KIAA1217: variants seen among roughly 807,000 people sequenced by gnomAD.
KIAA1217 encodes the protein KIAA1217, also known as sickle tail protein homolog.
A neutral mutation model predicts 163.9 loss-of-function variants in KIAA1217; 88 were observed. The ratio of observed to expected loss-of-function variants is 0.54; its 90% confidence interval spans 0.45 to 0.64. KIAA1217 has a LOEUF of 0.64. Ranked by LOEUF, KIAA1217 falls within the 30% of genes least tolerant of loss-of-function variation. The pLI is 0.00. For synonymous variants in KIAA1217, 903 were observed against 923.1 expected (o/e 0.98, Z 0.39); for missense variants, 2,372 against 2,475.0 (o/e 0.96, Z 0.88).
intron 2 of KIAA1217, among the ~76,000 whole-genome samples, chr10:24,237,110 G>A (rs2072391982): frequency 6.6e-6 from 1 of 152,200 alleles, no homozygotes; most frequent in Non-Finnish European, 1.5e-5. Flanking sequence ...TGATTAGTAT[G>A]ATGCTAAGGT....
At chr10:24,128,047 T>C (rs1258503244) in intron 2 of KIAA1217, among the ~76,000 whole-genome samples, 1 of 152,236 alleles carries the variant, frequency 6.6e-6, no homozygotes, top group African/African-American at 2.4e-5. Flanking sequence ...AGATTAAGTA[T>C]CTACAACAAA....
At chr10:24,143,731 C>T (rs1237592324) in intron 2 of KIAA1217, among the ~76,000 whole-genome samples, 1 of 151,692 alleles carries the variant, frequency 6.6e-6, no homozygotes, top group Non-Finnish European at 1.5e-5. Context: ...TACTGGTCAC[C>T]ACTGAGACAG....
chr10:23,968,804 C>T (rs1845178643), intron 1 of KIAA1217, among the ~76,000 whole-genome samples: 1 of 152,290 alleles, frequency 6.6e-6, no homozygotes, highest in Admixed American at 6.5e-5. Flanking sequence ...AGTATCAATA[C>T]TTAATTCCTT....
intron 1 of KIAA1217, among the ~76,000 whole-genome samples, chr10:23,995,119 T>C (rs1846410190): frequency 3.3e-5 from 5 of 152,204 alleles, no homozygotes. Flanking sequence ...AGATTCATTT[T>C]TGTTTAGCAC....
intron 2 of KIAA1217, among the ~76,000 whole-genome samples, chr10:24,332,757 A>G (rs963247604): frequency 2.0e-5 from 3 of 152,182 alleles, no homozygotes; most frequent in Non-Finnish European, 2.9e-5. Context: ...TTAAATGGTC[A>G]TAGTGGACTG....
At chr10:23,899,263 G>C (rs910289626) in intron 1 of KIAA1217, among the ~76,000 whole-genome samples, 3 of 152,122 alleles carry the variant, frequency 2.0e-5, no homozygotes, top group Non-Finnish European at 2.9e-5. Context: ...GATGTCCAAC[G>C]TGTTTATACT....
intron 2 of KIAA1217, among the ~76,000 whole-genome samples, chr10:24,058,242 C>T (rs1273765109): frequency 6.6e-6 from 1 of 152,086 alleles, no homozygotes; most frequent in Non-Finnish European, 1.5e-5. Context: ...AGTTCTGTAC[C>T]ATTTGTCTAT....
chr10:23,855,676 T>C (rs1324273545), intron 1 of KIAA1217, among the ~76,000 whole-genome samples: 1 of 152,220 alleles, frequency 6.6e-6, no homozygotes, highest in Admixed American at 6.5e-5. Context: ...CGTCTTTTCA[T>C]GTAGTCCCAT....
Position 24,236,143 on chromosome 10 carries a change from G to T in KIAA1217, c.354+16234G>T, listed in dbSNP as rs190951999. Among the ~76,000 whole-genome samples the T allele has an allele frequency of 4.7e-3, 701 of 149,778 alleles. 7 individuals carry two copies. The highest frequency in any genetic ancestry group is 0.016 in the African/African-American group (666 of 40,938). On this transcript the variant is annotated intron_variant, in intron 2 of 20. Coordinates refer to ENST00000376454, the MANE Select transcript of KIAA1217 (RefSeq NM_019590.5). Reference sequence around the variant, plus strand: ...GCTGTGAGGCTTAAATGAGATAAGGGTTGGTTATTTGAATGATAAAAAAAT... The same window carrying T: ...GCTGTGAGGCTTAAATGAGATAAGGTTTGGTTATTTGAATGATAAAAAAAT...
chr10:23,736,822 G>A (rs1009957707), intron 1 of KIAA1217, among the ~76,000 whole-genome samples: 12 of 151,982 alleles, frequency 7.9e-5, no homozygotes, highest in African/African-American at 2.7e-4. Context: ...CACCGCACCC[G>A]GCCTATAATA....
At chr10:24,387,606 G>A (rs2054192302) in intron 3 of KIAA1217, among the ~76,000 whole-genome samples, 1 of 152,216 alleles carries the variant, frequency 6.6e-6, no homozygotes, top group African/African-American at 2.4e-5. Flanking sequence ...AAAAGAGGAA[G>A]TCAAATTCTC....
chr10:23,763,543 C>T (rs1834368067), intron 1 of KIAA1217, among the ~76,000 whole-genome samples: 2 of 152,104 alleles, frequency 1.3e-5, no homozygotes, highest in African/African-American at 4.8e-5. Flanking sequence ...ACTAGCTAGC[C>T]ATATGCAGAA....
chr10:23,699,890 T>C (rs1361352231), intron 1 of KIAA1217, among the ~76,000 whole-genome samples: 1 of 152,220 alleles, frequency 6.6e-6, no homozygotes, highest in Non-Finnish European at 1.5e-5. Flanking sequence ...AGGAACCAAG[T>C]GTTTCTTGCT....
Position 24,476,774 on chromosome 10 carries a change from C to T in KIAA1217, c.1679+2714C>T, listed in dbSNP as rs75664556. Reference sequence around the variant, plus strand: ...TTGGAATGCTTGGGTATATGTGGGCCGGTTAGATTCTCTTTTCCTAGAGAC... The same window carrying T: ...TTGGAATGCTTGGGTATATGTGGGCTGGTTAGATTCTCTTTTCCTAGAGAC... On this transcript the variant is annotated intron_variant, in intron 6 of 20. Transcript: ENST00000376454. 8.5e-5 allele frequency among the ~76,000 whole-genome samples: 13 copies of T among 152,060 alleles called. No homozygotes were observed. The East Asian group carries it at 1.2e-3, about 14-fold the overall frequency.
intron 1 of KIAA1217, among the ~76,000 whole-genome samples, chr10:23,926,749 A>ATAAATAAATAAATAAATAAG (rs1554824974): frequency 2.4e-3 from 361 of 151,458 alleles, no homozygotes; most frequent in African/African-American, 8.4e-3. Context: ...AAATAAATAA[A>ATAAATAAATAAATAAATAAG]TAAATAAATA....
intron 2 of KIAA1217, among the ~76,000 whole-genome samples, chr10:24,167,129 G>T (rs535937006): frequency 1.3e-5 from 2 of 152,112 alleles, no homozygotes; most frequent in South Asian, 4.2e-4. Flanking sequence ...TATATTGAAT[G>T]ACAGTCAACT....
At chr10:24,441,980 T>C (rs977461667) in intron 5 of KIAA1217, among the ~76,000 whole-genome samples, 9 of 152,220 alleles carry the variant, frequency 5.9e-5, no homozygotes, top group African/African-American at 2.2e-4. Flanking sequence ...TGGGGGCTTC[T>C]CCACCTTCTT....
At chr10:24,351,156 C>T (rs1473904428) in intron 2 of KIAA1217, among the ~76,000 whole-genome samples, 2 of 152,164 alleles carry the variant, frequency 1.3e-5, no homozygotes, top group Non-Finnish European at 2.9e-5. Flanking sequence ...CCATGTTGGA[C>T]AGGCTGGTCT....
At chr10:24,130,030 C>T (rs1406338815) in intron 2 of KIAA1217, among the ~76,000 whole-genome samples, 1 of 152,060 alleles carries the variant, frequency 6.6e-6, no homozygotes, top group East Asian at 1.9e-4. Flanking sequence ...TATGCATATT[C>T]TTCAGAAACT....
Sources: allele counts gnomAD v4.1 joint callset (sites outside exome capture counted in the v4.1 genomes callset), GRCh38; gene constraint gnomAD v4.1.1; transcripts MANE v1.5; gene names NCBI Gene and HGNC (gene_info 2026-07-23, HGNC 2026-07-21).